The following FBXW7 variants were observed in gnomAD, a reference collection of about 807,000 sequenced individuals.
FBXW7 encodes the protein F-box and WD repeat domain containing 7.
In FBXW7, 11 loss-of-function variants were observed where a neutral mutation model predicts 86.3. The ratio of observed to expected loss-of-function variants is 0.13; its 90% CI spans 0.08 to 0.21. The LOEUF is 0.21. Ranked by LOEUF, FBXW7 falls within the 10% of genes least tolerant of loss-of-function variation. The pLI is 1.00. For synonymous variants in FBXW7, 313 were observed against 297.9 expected (o/e 1.05, Z -0.52); for missense variants, 488 against 847.4 (o/e 0.58, Z 5.27).
rs187632836 is a variant in FBXW7 at position 152,492,335 on chromosome 4, G to T, written c.-120+42606C>A. ...AGTTGTCAGCTGTAAGGAGTAAATC[G>T]ACTGTAAATATAATTTTTAAAAGTT... On this transcript the variant is annotated intron_variant, in intron 2 of 13. Transcript: ENST00000281708. Among the ~76,000 whole-genome samples, 3 of 152,078 alleles carry T rather than the reference G, an allele frequency of 2.0e-5. No homozygotes were observed. In the East Asian group the frequency reaches 5.8e-4, roughly 29 times the overall value.
In FBXW7 at chr4:152,411,723, C is replaced by T. The variant is rs2126882184; in HGVS notation, c.81G>A (p.Gln27=). 1 of 1,613,682 alleles carries T rather than the reference C, an allele frequency of 6.2e-7. No individual in the cohort carries two copies. The highest frequency in any genetic ancestry group is 1.7e-4 in the Middle Eastern group (1 of 6,058). ...CACGATTCATCTGTTCTTCATCTAC[C>T]TGGCTTGAGGAAGGGTTACCTCTCA... ...GSLRGNPSSS[Q]VDEEQMNRVV... Residue 27 remains glutamine (Q), a synonymous_variant, in exon 4 of 14, where the codon CAG becomes CAA. Coordinates refer to ENST00000281708, the MANE Select transcript of FBXW7 (RefSeq NM_001349798.2).
intron 4 of FBXW7, among the ~76,000 whole-genome samples, chr4:152,410,176 T>C (rs1161918340): frequency 1.3e-5 from 2 of 152,190 alleles, no homozygotes; most frequent in East Asian, 3.8e-4. Flanking sequence ...AATAAGTTAG[T>C]GCAATTGGAC....
At chr4:152,443,736 T>C (rs946348436) in intron 2 of FBXW7, among the ~76,000 whole-genome samples, 2 of 152,182 alleles carry the variant, frequency 1.3e-5, no homozygotes, top group Non-Finnish European at 2.9e-5. Context: ...CACTCAATAA[T>C]TAATACAAGA....
rs1207372512 is a variant in FBXW7 at position 152,321,639 on chromosome 4, G to GT, written c.*1241dup. 1 of 233,004 alleles carries GT rather than the reference G, an allele frequency of 4.3e-6. No homozygotes were observed. The highest frequency in any genetic ancestry group is 8.5e-6 in the Non-Finnish European group (1 of 117,714). 14.4% of individuals were successfully genotyped at this position (233,004 alleles called of 1,614,324 possible). ...GTCAGTTACTCAGAGCAATAAAACTGTAACAGTTGTTTTCCCAAATACTGT... is the reference window on the plus strand; with the variant it reads ...GTCAGTTACTCAGAGCAATAAAACTGTTAACAGTTGTTTTCCCAAATACTGT... On this transcript the variant is annotated 3_prime_UTR_variant, in exon 14 of 14. Transcript: ENST00000281708.
intron 2 of FBXW7, among the ~76,000 whole-genome samples, chr4:152,439,977 A>T (rs1740740276): frequency 6.6e-6 from 1 of 152,162 alleles, no homozygotes; most frequent in Non-Finnish European, 1.5e-5. Flanking sequence ...TAAAAGATTA[A>T]ATTTTATTGC....
At chr4:152,381,169 T>A (rs1294445991) in intron 4 of FBXW7, among the ~76,000 whole-genome samples, 1 of 152,098 alleles carries the variant, frequency 6.6e-6, no homozygotes, top group Non-Finnish European at 1.5e-5. Context: ...CTAAGCTAAC[T>A]AGAAAATATG....
At chr4:152,462,259 T>C (rs758055385) in intron 2 of FBXW7, among the ~76,000 whole-genome samples, 7 of 152,242 alleles carry the variant, frequency 4.6e-5, no homozygotes, top group Admixed American at 6.5e-5. Context: ...GTCAACAATA[T>C]GTTCTGTGCT....
intron 2 of FBXW7, among the ~76,000 whole-genome samples, chr4:152,426,992 A>G (rs1189094018): frequency 6.6e-6 from 1 of 152,256 alleles, no homozygotes; most frequent in Non-Finnish European, 1.5e-5. Context: ...TAATAGATGG[A>G]CAATTTCACA....
chr4:152,525,680 A>G (rs1206849860), intron 2 of FBXW7, among the ~76,000 whole-genome samples: 1 of 151,996 alleles, frequency 6.6e-6, no homozygotes. Context: ...TATGTACCAC[A>G]TTTTCTTTAT....
intron 2 of FBXW7, among the ~76,000 whole-genome samples, chr4:152,519,353 T>C (rs1748801159): frequency 6.6e-6 from 1 of 152,094 alleles, no homozygotes; most frequent in Non-Finnish European, 1.5e-5. Flanking sequence ...AGATACCCAC[T>C]GACTTAAGCA....
At position 152,411,536 on chromosome 4, in the gene FBXW7, C is replaced by T. The variant is rs2126879600; in HGVS notation, c.268G>A (p.Asp90Asn). 6.2e-7 allele frequency: 1 copy of T among 1,613,878 alleles called. No individual in the cohort carries two copies. ...TGTTCTTCTTGGTTTCCTGAGGAGT[C>T]CTCATCTACCGAAATAAATCTATTA... The part of the protein sequence containing the change: ...NNNRFISVDE[D>N]SSGNQEEQEE... The change falls in exon 4 of 14, where the codon GAC becomes AAC. Residue 90 changes from aspartate to asparagine, a missense_variant. By Grantham distance (23) the Asp-to-Asn change is conservative. Coordinates refer to ENST00000281708, the MANE Select transcript of FBXW7 (RefSeq NM_001349798.2).
At chr4:152,497,432 G>A (rs994566299) in intron 2 of FBXW7, among the ~76,000 whole-genome samples, 1 of 130,812 alleles carries the variant, frequency 7.6e-6, no homozygotes, top group Non-Finnish European at 1.6e-5. Context: ...ATTATAAAAA[G>A]AATCACCACA....
intron 2 of FBXW7, among the ~76,000 whole-genome samples, chr4:152,470,097 T>C (rs948948244): frequency 3.3e-5 from 5 of 151,870 alleles, no homozygotes; most frequent in Non-Finnish European, 7.4e-5. Flanking sequence ...GGTAATTTGT[T>C]TCAGTAAAAC....
Position 152,457,014 on chromosome 4 carries a change from A to G in FBXW7, c.-119-44485T>C, listed in dbSNP as rs554577999. ...CAAAAAATAAATTGTACTATATACT[A>G]AAAATGAAATACTATTCCCCAGTTA... On this transcript the variant is annotated intron_variant, in intron 2 of 13. Transcript: ENST00000281708. Among the ~76,000 whole-genome samples, 19 of 152,372 alleles carry G rather than the reference A, an allele frequency of 1.2e-4. No homozygotes were observed. In the East Asian group the frequency reaches 1.9e-3, roughly 15 times the overall value.
rs761828621 is a variant in FBXW7, at chr4:152,323,061, T to C, written c.1944A>G (p.Leu648=). ...ITSSDDGTVK[L]WDLKTGEFIR... is the part of the protein sequence containing the mutation. ...TAAATTCACCCGTTTTCAAGTCCCATAGTTTTACAGTTCCATCATCTGAGC... is the reference window on the plus strand; with the variant it reads ...TAAATTCACCCGTTTTCAAGTCCCACAGTTTTACAGTTCCATCATCTGAGC... Residue 648 remains leucine, a synonymous_variant, in exon 14 of 14, where the codon CTA becomes CTG. Coordinates refer to ENST00000281708, the MANE Select transcript of FBXW7 (RefSeq NM_001349798.2). 1.7e-5 allele frequency: 28 copies of C among 1,613,792 alleles called. 1 individual carries two copies. The South Asian group carries it at 1.9e-4, about 11-fold the overall frequency.
intron 2 of FBXW7, among the ~76,000 whole-genome samples, chr4:152,444,227 TC>T (rs1741164178): frequency 6.6e-6 from 1 of 152,136 alleles, no homozygotes; most frequent in Non-Finnish European, 1.5e-5. Context: ...TTTATATTCT[TC>T]GAGACTTTAC....
At chr4:152,444,823 G>A (rs1741227664) in intron 2 of FBXW7, among the ~76,000 whole-genome samples, 1 of 152,130 alleles carries the variant, frequency 6.6e-6, no homozygotes, top group Admixed American at 6.6e-5. Flanking sequence ...AGATACAAGT[G>A]ATTCCTGAAC....
chr4:152,461,492 A>C (rs537161000), intron 2 of FBXW7, among the ~76,000 whole-genome samples: 1 of 152,314 alleles, frequency 6.6e-6, no homozygotes, highest in East Asian at 1.9e-4. Context: ...GCAAATGCAG[A>C]AACATGGAAA....
intron 4 of FBXW7, among the ~76,000 whole-genome samples, chr4:152,410,890 T>C (rs937622781): frequency 6.6e-6 from 1 of 152,190 alleles, no homozygotes; most frequent in African/African-American, 2.4e-5. Flanking sequence ...GAGTAATTTA[T>C]GCCTTAGAGT....
Sources: allele counts gnomAD v4.1 joint callset (sites outside exome capture counted in the v4.1 genomes callset), GRCh38; gene constraint gnomAD v4.1.1; transcripts MANE v1.5; gene names NCBI Gene and HGNC (gene_info 2026-07-23, HGNC 2026-07-21).